CNOT6: variants seen among roughly 807,000 people sequenced by gnomAD.
CNOT6 encodes the protein CCR4-NOT transcription complex subunit 6, also known as carbon catabolite repression 4 protein.
In CNOT6, 12 loss-of-function variants were observed where a neutral mutation model predicts 61.2. That is an observed-to-expected ratio of 0.20 (90% CI 0.13 to 0.32). CNOT6 has a LOEUF of 0.32. Ranked by LOEUF, CNOT6 falls within the 10% of genes least tolerant of loss-of-function variation. The pLI, the probability that CNOT6 is intolerant of heterozygous loss-of-function variation, is 1.00. For missense variants in CNOT6, 405 were observed against 663.9 expected (o/e 0.61, Z 4.28); for synonymous variants, 225 against 240.6 (o/e 0.94, Z 0.60).
intron 1 of CNOT6, among the ~76,000 whole-genome samples, chr5:180,511,459 A>G (rs924315022): frequency 6.6e-6 from 1 of 152,122 alleles, no homozygotes; most frequent in African/African-American, 2.4e-5. Flanking sequence ...AAAATATAAA[A>G]TATTAGCCGG....
At chr5:180,559,930 A>G (rs1760083565) in intron 4 of CNOT6, among the ~76,000 whole-genome samples, 1 of 152,014 alleles carries the variant, frequency 6.6e-6, no homozygotes, top group South Asian at 2.1e-4. Context: ...ACATAAATTT[A>G]GAATCACATT....
intron 2 of CNOT6, among the ~76,000 whole-genome samples, chr5:180,540,331 G>A (rs1376286563): frequency 6.6e-6 from 1 of 152,030 alleles, no homozygotes; most frequent in Non-Finnish European, 1.5e-5. Context: ...TACATTTAAT[G>A]CAGTTATTGA....
chr5:180,566,949 C>T (rs927469539), intron 7 of CNOT6, 139 bp from the exon 8 acceptor site: 23 of 805,398 alleles, frequency 2.9e-5, no homozygotes, highest in African/African-American at 5.4e-5. Flanking sequence ...CCACCATGCC[C>T]GGCCCGGAAA....
intron 2 of CNOT6, among the ~76,000 whole-genome samples, chr5:180,545,855 ATTC>A (rs1439418077): frequency 6.6e-6 from 1 of 152,106 alleles, no homozygotes; most frequent in East Asian, 1.9e-4. Context: ...AAATTTAGCC[ATTC>A]TTCTGGGTAT....
At chr5:180,570,287 G>A (rs1454420020) in intron 10 of CNOT6, among the ~76,000 whole-genome samples, 2 of 152,212 alleles carry the variant, frequency 1.3e-5, no homozygotes, top group African/African-American at 4.8e-5. Flanking sequence ...GAACCCCAGA[G>A]GCAGAAGTTG....
intron 11 of CNOT6, among the ~76,000 whole-genome samples, chr5:180,572,225 T>C (rs1235629645): frequency 6.6e-6 from 1 of 152,202 alleles, no homozygotes; most frequent in African/African-American, 2.4e-5. Context: ...AGTCTTGCTC[T>C]GTTGCCCAGG....
At chr5:180,525,300 G>T (rs778121762) in intron 1 of CNOT6, among the ~76,000 whole-genome samples, 2 of 152,122 alleles carry the variant, frequency 1.3e-5, no homozygotes, top group African/African-American at 4.8e-5. Flanking sequence ...ACTTTGGGAG[G>T]CTGAGGCAGG....
intron 2 of CNOT6, among the ~76,000 whole-genome samples, chr5:180,530,551 C>T (rs1425023853): frequency 6.7e-6 from 1 of 148,840 alleles, no homozygotes; most frequent in Non-Finnish European, 1.5e-5. Context: ...TGTTTTCCCT[C>T]TTCTGATTTC....
chr5:180,520,628 G>T (rs1410011502), intron 1 of CNOT6, among the ~76,000 whole-genome samples: 1 of 151,966 alleles, frequency 6.6e-6, no homozygotes, highest in Non-Finnish European at 1.5e-5. Flanking sequence ...GCGACAGAGC[G>T]AGACTCCATC....
intron 2 of CNOT6, among the ~76,000 whole-genome samples, chr5:180,539,397 T>G (rs1758896948): frequency 6.6e-6 from 1 of 151,802 alleles, no homozygotes; most frequent in Admixed American, 6.6e-5. Context: ...TTTTCTAAAT[T>G]TTTTGTTCTT....
At chr5:180,512,719 C>T (rs905694648) in intron 1 of CNOT6, among the ~76,000 whole-genome samples, 4 of 152,308 alleles carry the variant, frequency 2.6e-5, no homozygotes, top group Middle Eastern at 6.8e-3. Context: ...GCCTCAGCCT[C>T]CCGAGTAGCT....
Position 180,503,709 on chromosome 5 carries a change from G to A in CNOT6, c.-3+8946G>A, listed in dbSNP as rs539738498. On this transcript the variant is annotated intron_variant, in intron 1 of 11. Transcript: ENST00000261951. Reference sequence around the variant, plus strand: ...TGACCTCTGCATCCCGGGTTCAAGCGATTCCCTTGCCTCAGCCTCCCGAGT... The same window carrying A: ...TGACCTCTGCATCCCGGGTTCAAGCAATTCCCTTGCCTCAGCCTCCCGAGT... Among the ~76,000 whole-genome samples the A allele has an allele frequency of 3.6e-4, 52 of 144,888 alleles. 1 individual carries two copies. The highest frequency in any genetic ancestry group is 1.3e-3 in the African/African-American group (51 of 39,286).
rs1348424321 is a variant in CNOT6 at position 180,571,854 on chromosome 5, T to C, written c.1461+422T>C. On this transcript the variant is annotated intron_variant, in intron 11 of 11. Coordinates refer to ENST00000261951, the MANE Select transcript of CNOT6 (RefSeq NM_001370472.1). ...CTGGGATTACAGGCGTGAACCACTG[T>C]GCTCAGCCAGTAATATTCTTTTATT... 2.0e-5 allele frequency among the ~76,000 whole-genome samples: 3 copies of C among 151,758 alleles called. No individual in the cohort carries two copies. In the East Asian group the frequency reaches 5.9e-4, roughly 30 times the overall value.
intron 11 of CNOT6, among the ~76,000 whole-genome samples, chr5:180,573,758 C>G (rs906127623): frequency 2.6e-5 from 4 of 152,020 alleles, no homozygotes; most frequent in South Asian, 2.1e-4. Flanking sequence ...CCTGAAAGGC[C>G]TTTTAGGTCT....
At chr5:180,500,087 CT>C (rs1756801821) in intron 1 of CNOT6, among the ~76,000 whole-genome samples, 1 of 138,814 alleles carries the variant, frequency 7.2e-6, no homozygotes, top group Non-Finnish European at 1.6e-5. Flanking sequence ...ACAAATTCAC[CT>C]TTTCTTTTCT....
chr5:180,499,862 C>T (rs966758413), intron 1 of CNOT6, among the ~76,000 whole-genome samples: 11 of 152,144 alleles, frequency 7.2e-5, no homozygotes, highest in African/African-American at 1.2e-4. Context: ...GGTTGTAACA[C>T]GAGAAGCAAA....
At chr5:180,504,867 A>T (rs1757049526) in intron 1 of CNOT6, among the ~76,000 whole-genome samples, 1 of 151,238 alleles carries the variant, frequency 6.6e-6, no homozygotes, top group Admixed American at 6.6e-5. Flanking sequence ...GTTCATAAAT[A>T]TTTTTTAAAG....
At chr5:180,517,453 C>T (rs997033658) in intron 1 of CNOT6, among the ~76,000 whole-genome samples, 4 of 150,068 alleles carry the variant, frequency 2.7e-5, no homozygotes, top group African/African-American at 7.3e-5. Context: ...TGAATAATGT[C>T]GAATGGGAAT....
At position 180,547,569 on chromosome 5, in the gene CNOT6, T is replaced by C. The variant is rs1476860187; in HGVS notation, c.113-2362T>C. 5.9e-5 allele frequency among the ~76,000 whole-genome samples: 9 copies of C among 152,188 alleles called. 1 individual carries two copies. The South Asian group carries it at 6.2e-4, about 11-fold the overall frequency. Reference sequence around the variant, plus strand: ...TGTGCTCCTCTGTCAGTCTCTCTTATTGTTTACAGCTGGGAGTCTGCTGCA... The same window carrying C: ...TGTGCTCCTCTGTCAGTCTCTCTTACTGTTTACAGCTGGGAGTCTGCTGCA... On this transcript the variant is annotated intron_variant, in intron 2 of 11. Transcript: ENST00000261951.
Sources: gnomAD v4.1 joint callset for allele counts (sites outside exome capture counted in the v4.1 genomes callset) on GRCh38, gnomAD v4.1.1 for gene constraint, MANE v1.5 for transcripts, NCBI Gene and HGNC (gene_info 2026-07-23, HGNC 2026-07-21) for gene names.